SPDYE14: variants seen among roughly 807,000 people sequenced by gnomAD.
SPDYE14 encodes speedy protein E14.
At chr7:75,276,395 T>TAA in the SPDYE14 span, among the ~76,000 whole-genome samples, 1 of 21,216 alleles carries the variant, frequency 4.7e-5, no homozygotes, top group African/African-American at 1.1e-4. Context: ...GACTCAATCT[T>TAA]AAAAAACAAC....
the SPDYE14 span, among the ~76,000 whole-genome samples, chr7:75,274,499 CTTTTTTTT>C: frequency 7.7e-5 from 1 of 13,040 alleles, no homozygotes; most frequent in Non-Finnish European, 1.4e-4. Flanking sequence ...CTAGTCCTGG[CTTTTTTTT>C]TTTTTTTTTT....
chr7:75,257,266 TTGAATGAATGAA>T, the SPDYE14 span, among the ~76,000 whole-genome samples: 1 of 112,878 alleles, frequency 8.9e-6, no homozygotes, highest in African/African-American at 3.4e-5. Flanking sequence ...GAAGTATCTG[TTGAATGAATGAA>T]TGAATGAATG....
chr7:75,241,685 A>T, the SPDYE14 span, among the ~76,000 whole-genome samples: 1 of 24,470 alleles, frequency 4.1e-5, no homozygotes, highest in African/African-American at 9.9e-5. Context: ...AAAAAAATAT[A>T]TATATATATA....
the SPDYE14 span, among the ~76,000 whole-genome samples, chr7:75,249,865 TC>T: frequency 3.6e-4 from 44 of 120,928 alleles, 2 homozygotes; most frequent in African/African-American, 1.5e-3. Flanking sequence ...AGATGGGGGT[TC>T]ACCATGTTGG....
At chr7:75,240,175 G>C in the SPDYE14 span, among the ~76,000 whole-genome samples, 1 of 14,120 alleles carries the variant, frequency 7.1e-5, no homozygotes, top group Non-Finnish European at 1.6e-4. Flanking sequence ...GCAGTAAGCT[G>C]AGATCGCGCC....
chr7:75,274,961 C>T, the SPDYE14 span, among the ~76,000 whole-genome samples: 2 of 62,266 alleles, frequency 3.2e-5, 1 homozygote, highest in Middle Eastern at 0.018. Flanking sequence ...CAGAAGACCC[C>T]GTCCGGGAGG....
chr7:75,260,954 G>A, the SPDYE14 span, among the ~76,000 whole-genome samples: 13 of 56,686 alleles, frequency 2.3e-4, 4 homozygotes, highest in Admixed American at 5.3e-4. Flanking sequence ...ATGAAACCTC[G>A]TCTCTACTAA....
At chr7:75,275,135 C>T in the SPDYE14 span, among the ~76,000 whole-genome samples, 1 of 62,790 alleles carries the variant, frequency 1.6e-5, no homozygotes, top group African/African-American at 3.9e-5. Context: ...CGGCCAGCCG[C>T]CCCGTCCGGG....
chr7:75,273,740 T>C, the SPDYE14 span, among the ~76,000 whole-genome samples: 11 of 60,150 alleles, frequency 1.8e-4, 2 homozygotes, highest in African/African-American at 2.8e-4. Context: ...CCAAACTTCT[T>C]GCCTCCAAAT....
At chr7:75,275,739 T>TAAAAAAAAAAAAAAA in the SPDYE14 span, among the ~76,000 whole-genome samples, 1 of 14,544 alleles carries the variant, frequency 6.9e-5, no homozygotes, top group Admixed American at 1.3e-3. Context: ...AAAAATAAAT[T>TAAAAAAAAAAAAAAA]AAAAAAAAAA....
At chr7:75,280,107 ATTTTGTTTTG>A in the SPDYE14 span, among the ~76,000 whole-genome samples, 1 of 856 alleles carries the variant, frequency 1.2e-3, no homozygotes, top group African/African-American at 2.1e-3. Context: ...CACCTGGCTA[ATTTTGTTTTG>A]TTTTGTTTTG....
chr7:75,265,223 C>A, the SPDYE14 span, among the ~76,000 whole-genome samples: 1 of 91,814 alleles, frequency 1.1e-5, no homozygotes, highest in African/African-American at 4.0e-5. Context: ...CCTCAGCCTC[C>A]CAAGCAGCTG....
At chr7:75,273,023 C>T in the SPDYE14 span, among the ~76,000 whole-genome samples, 123 of 59,548 alleles carry the variant, frequency 2.1e-3, 54 homozygotes, top group Admixed American at 0.023. Flanking sequence ...CCATCCCCTC[C>T]GTGCTGTTTT....
chr7:75,241,678 A>ATAT, the SPDYE14 span, among the ~76,000 whole-genome samples: 2 of 21,242 alleles, frequency 9.4e-5, no homozygotes, highest in Admixed American at 8.1e-4. Context: ...GTAAAAAAAA[A>ATAT]AAATATATAT....
the SPDYE14 span, among the ~76,000 whole-genome samples, chr7:75,261,464 T>TTG: frequency 9.3e-6 from 1 of 107,122 alleles, no homozygotes; most frequent in African/African-American, 3.2e-5. Context: ...TTTTTTTTTT[T>TTG]TTTTTTTTTT....
the SPDYE14 span, among the ~76,000 whole-genome samples, chr7:75,272,658 G>C: frequency 3.6e-5 from 2 of 55,598 alleles, 1 homozygote; most frequent in Middle Eastern, 0.018. Context: ...AGGCCAAGGC[G>C]GGCGGATCAC....
At chr7:75,275,759 AAAAAGT>A in the SPDYE14 span, among the ~76,000 whole-genome samples, 1 of 49,642 alleles carries the variant, frequency 2.0e-5, no homozygotes, top group South Asian at 7.2e-4. Context: ...AAAAAAAAAA[AAAAAGT>A]AGACAGAAGA....
the SPDYE14 span, among the ~76,000 whole-genome samples, chr7:75,251,588 C>A: frequency 2.3e-5 from 1 of 43,318 alleles, no homozygotes; most frequent in African/African-American, 1.4e-4. Flanking sequence ...TCTCAAACTC[C>A]TGGCCTCAAG....
chr7:75,261,157 A>G, the SPDYE14 span, among the ~76,000 whole-genome samples: 1 of 86,248 alleles, frequency 1.2e-5, no homozygotes, highest in Non-Finnish European at 2.8e-5. Flanking sequence ...AGAAAGCACA[A>G]AGTACAGCCC....
Sources: allele counts gnomAD v4.1 joint callset (sites outside exome capture counted in the v4.1 genomes callset), GRCh38; gene constraint gnomAD v4.1.1; transcripts MANE v1.5; gene names NCBI Gene and HGNC (gene_info 2026-07-23, HGNC 2026-07-21).